The following PCDHA2 variants were observed in gnomAD, a reference collection of about 807,000 sequenced individuals.
PCDHA2 encodes the protein protocadherin alpha 2, also known as protocadherin alpha-2.
A neutral mutation model predicts 66.0 loss-of-function variants in PCDHA2; 58 were observed. The observed-to-expected ratio is 0.88, with a 90% CI of 0.71 to 1.09. The LOEUF (loss-of-function observed/expected upper bound fraction) is 1.09, where lower values mean the gene tolerates loss of function less well. PCDHA2 is among the 50% of genes least tolerant of loss of function. PCDHA2 has a pLI of 0.00. For missense variants in PCDHA2, 1,267 were observed against 1,242.3 expected (o/e 1.02, Z -0.30); for synonymous variants, 634 against 554.0 (o/e 1.14, Z -2.03).
chr5:140,823,016 G>T (rs1554129036), intron 1 of PCDHA2: 1 of 1,614,216 alleles, frequency 6.2e-7, no homozygotes, highest in Non-Finnish European at 8.5e-7. Context: ...GCCCTGGACC[G>T]CGAGAGCGTG....
intron 1 of PCDHA2, chr5:140,927,565 G>A: frequency 6.2e-7 from 1 of 1,614,186 alleles, no homozygotes; most frequent in Non-Finnish European, 8.5e-7. Context: ...CATTGTGGTG[G>A]ACACAAATGA....
At chr5:140,871,074 G>A (rs1210767724) in intron 1 of PCDHA2, 1 of 1,613,096 alleles carries the variant, frequency 6.2e-7, no homozygotes, top group African/African-American at 1.3e-5. Context: ...GTGAGCCGGC[G>A]CTGACGGCCA....
chr5:140,921,511 C>T (rs1163280621), intron 1 of PCDHA2, among the ~76,000 whole-genome samples: 1 of 152,062 alleles, frequency 6.6e-6, no homozygotes, highest in Non-Finnish European at 1.5e-5. Context: ...TAGTGCCTAA[C>T]CTGAAATAAA....
chr5:141,010,373 G>A lies in PCDHA2; in HGVS notation c.*436G>A, dbSNP rs1554262916. 6.8e-7 allele frequency: 1 copy of A among 1,463,988 alleles called. No homozygotes were observed. Among genetic ancestry groups the A allele is most frequent in the Admixed American group, 2.4e-5 (1 of 41,618 alleles). The allele number at this position is 1,463,988 out of a possible 1,614,324, so 90.7% of individuals were successfully genotyped here. ...GTGTGGCTACCGCGGGTATGCGAGT[G>A]CCAGATATTGGCTGAGACGAGCCAG... On this transcript the variant is annotated 3_prime_UTR_variant, in exon 4 of 4. Coordinates refer to ENST00000526136, the MANE Select transcript of PCDHA2 (RefSeq NM_018905.3).
At chr5:140,829,919 G>A (rs2150177780) in intron 1 of PCDHA2, 3 of 1,613,902 alleles carry the variant, frequency 1.9e-6, no homozygotes, top group Non-Finnish European at 1.7e-6. Flanking sequence ...GCTTTCGTAT[G>A]AGCTGCAGCC....
Position 140,797,301 on chromosome 5 carries a change from T to C in PCDHA2, c.2337T>C (p.Gly779=), listed in dbSNP as rs1554120393. 1 of 1,614,136 alleles carries C rather than the reference T, an allele frequency of 6.2e-7. No individual in the cohort carries two copies. Among genetic ancestry groups the C allele is most frequent in the Admixed American group, 1.7e-5 (1 of 60,014 alleles). Residue 779 remains glycine (G), a synonymous_variant, in exon 1 of 4, where the codon GGT becomes GGC. Transcript: ENST00000526136. ...CCTTCAGCCCTAGCTTATCTCAAGG[T>C]CCAGACTCCGCAGAAGAGAAACAGC... ...LMAFSPSLSQ[G]PDSAEEKQLS...
chr5:140,852,579 TTTA>T, intron 1 of PCDHA2: 2 of 849,052 alleles, frequency 2.4e-6, no homozygotes, highest in African/African-American at 1.9e-5. Flanking sequence ...CCAAGGCTTT[TTTA>T]TTTTTTTTTT....
chr5:140,942,669 A>G (rs2093352340), intron 1 of PCDHA2, among the ~76,000 whole-genome samples: 1 of 152,212 alleles, frequency 6.6e-6, no homozygotes, highest in South Asian at 2.1e-4. Flanking sequence ...AATAAGCACA[A>G]AAGTTTTAGG....
chr5:140,941,185 CT>C (rs782102770), intron 1 of PCDHA2, among the ~76,000 whole-genome samples: 20 of 102,174 alleles, frequency 2.0e-4, no homozygotes, highest in Admixed American at 7.9e-4. Context: ...CATCCTGCTT[CT>C]TTTTTTTTCT....
chr5:140,856,236 TC>T (rs1554148438), intron 1 of PCDHA2: 2 of 1,597,912 alleles, frequency 1.3e-6, no homozygotes, highest in East Asian at 2.2e-5. Context: ...CAGCGCCTGT[TC>T]CGGGTGGCGT....
At chr5:140,968,886 A>G in intron 1 of PCDHA2, 1 of 1,614,186 alleles carries the variant, frequency 6.2e-7, no homozygotes, top group Non-Finnish European at 8.5e-7. Context: ...ATTACCCTTT[A>G]TCTAATAATA....
chr5:140,910,411 A>C (rs1554194248), intron 1 of PCDHA2, among the ~76,000 whole-genome samples: 2 of 152,062 alleles, frequency 1.3e-5, no homozygotes, highest in African/African-American at 4.8e-5. Flanking sequence ...CCACCTCGAG[A>C]TCCAATTATT....
At chr5:141,003,181 C>T (rs564008062) in intron 3 of PCDHA2, among the ~76,000 whole-genome samples, 8 of 152,328 alleles carry the variant, frequency 5.3e-5, no homozygotes, top group African/African-American at 1.7e-4. Flanking sequence ...AGGCTCAACT[C>T]CATCAACTCA....
At chr5:140,971,372 A>G (rs1554233263) in intron 1 of PCDHA2, among the ~76,000 whole-genome samples, 1 of 152,214 alleles carries the variant, frequency 6.6e-6, no homozygotes, top group Non-Finnish European at 1.5e-5. Flanking sequence ...AGGAGAGTGC[A>G]TGACTTTAAT....
chr5:140,822,052 G>A, intron 1 of PCDHA2: 1 of 1,614,246 alleles, frequency 6.2e-7, no homozygotes, highest in Non-Finnish European at 8.5e-7. Context: ...CGACCGGGAG[G>A]AGCTGTGCCG....
At position 141,003,524 on chromosome 5, in the gene PCDHA2, G is replaced by T. The variant is rs2098128799; in HGVS notation, c.2537-6103G>T. On this transcript the variant is annotated intron_variant, in intron 3 of 3. Coordinates refer to ENST00000526136, the MANE Select transcript of PCDHA2 (RefSeq NM_018905.3). ...GATGGGGTTTCACCATGTTCCCTAG[G>T]CTGGTCTTGAACTCCTGGCTTCAAG... 4.6e-5 allele frequency among the ~76,000 whole-genome samples: 7 copies of T among 152,070 alleles called. No individual in the cohort carries two copies. In the South Asian group the frequency reaches 1.5e-3, roughly 32 times the overall value.
At position 140,941,202 on chromosome 5, in the gene PCDHA2, C is replaced by CCCTTCTTTCTTTCTTT. The variant is rs2092811279; in HGVS notation, c.2389-37746_2389-37745insCTTCTTTCTTTCTTTC. Among the ~76,000 whole-genome samples, 5 of 122,742 alleles carry CCCTTCTTTCTTTCTTT rather than the reference C, an allele frequency of 4.1e-5. No homozygotes were observed. The East Asian group carries it at 1.1e-3, about 27-fold the overall frequency. 80.5% of individuals were successfully genotyped at this position (122,742 alleles called of 152,430 possible). On this transcript the variant is annotated intron_variant, in intron 1 of 3. Transcript: ENST00000526136. ...TCCTGCTTCTTTTTTTTTCTTTCTTCCTTTCTTTCTTCCTTTCTTTCTTTC... is the reference window on the plus strand; with the variant it reads ...TCCTGCTTCTTTTTTTTTCTTTCTTCCCTTCTTTCTTTCTTTCTTTCTTTCTTCCTTTCTTTCTTTC...
At position 140,982,438 on chromosome 5, in the gene PCDHA2, T is replaced by C. The variant is rs782761318; in HGVS notation, c.2448-37T>C. On this transcript the variant is annotated intron_variant, in intron 2 of 3. Coordinates refer to ENST00000526136, the MANE Select transcript of PCDHA2 (RefSeq NM_018905.3). ...GGAAGAAGAGATGGGAAAGAATTTA[T>C]GATCTAACCGTTATCTGGGTCTGTG... is the stretch of plus-strand genomic sequence containing the variant. The C allele has an allele frequency of 3.1e-6, 5 of 1,611,448 alleles. No individual in the cohort carries two copies. The South Asian group carries it at 5.5e-5, about 18-fold the overall frequency.
chr5:140,813,414 T>A (rs1343371615), intron 1 of PCDHA2: 3 of 152,234 alleles, frequency 2.0e-5, no homozygotes, highest in South Asian at 2.1e-4. Context: ...CCTGTACATA[T>A]GTTAACTGTA....
Sources: gnomAD v4.1 joint callset for allele counts (sites outside exome capture counted in the v4.1 genomes callset) on GRCh38, gnomAD v4.1.1 for gene constraint, MANE v1.5 for transcripts, NCBI Gene and HGNC (gene_info 2026-07-23, HGNC 2026-07-21) for gene names.